Variants in AGBL1 observed in about 807,000 individuals in gnomAD.
AGBL1 encodes cytosolic carboxypeptidase 4.
Under a neutral mutation model 118.9 loss-of-function variants are expected in AGBL1, and 130 were observed. The observed-to-expected ratio is 1.09, with a 90% CI of 0.95 to 1.26. AGBL1 has a LOEUF of 1.26. Among genes scored for constraint, AGBL1 ranks in the 50% most tolerant of loss-of-function variants. The probability of loss-of-function intolerance (pLI) is 0.00; values close to 1 mark genes in which losing one functional copy is unlikely to be tolerated. For synonymous variants in AGBL1, 555 were observed against 478.9 expected (o/e 1.16, Z -2.08); for missense variants, 1,584 against 1,298.1 (o/e 1.22, Z -3.38).
At chr15:86,844,495 C>T (rs928720130) in intron 22 of AGBL1, among the ~76,000 whole-genome samples, 3 of 152,106 alleles carry the variant, frequency 2.0e-5, no homozygotes, top group African/African-American at 4.8e-5. Flanking sequence ...TGCCTGTTAG[C>T]CATTCATGTA....
At chr15:86,400,857 C>A (rs998714776) in intron 18 of AGBL1, among the ~76,000 whole-genome samples, 1 of 151,546 alleles carries the variant, frequency 6.6e-6, no homozygotes, top group African/African-American at 2.4e-5. Flanking sequence ...TTTCTTTATC[C>A]ACTCATAGGT....
chr15:86,832,069 G>T (rs1441965840), intron 22 of AGBL1, among the ~76,000 whole-genome samples: 2 of 152,072 alleles, frequency 1.3e-5, no homozygotes, highest in African/African-American at 4.8e-5. Flanking sequence ...CTCTATGTCG[G>T]CCCCTTTTAA....
chr15:86,091,670 C>G (rs1471707870), intron 1 of AGBL1, among the ~76,000 whole-genome samples: 1 of 152,186 alleles, frequency 6.6e-6, no homozygotes, highest in Non-Finnish European at 1.5e-5. Context: ...CAATAAGCCA[C>G]TTGATCAGGT....
chr15:86,141,349 C>T (rs773731746), intron 1 of AGBL1, among the ~76,000 whole-genome samples: 2 of 152,140 alleles, frequency 1.3e-5, no homozygotes, highest in Non-Finnish European at 2.9e-5. Flanking sequence ...TGTTTCTTGC[C>T]TCTGTGCTGT....
At chr15:86,995,954 G>GA (rs545464653) in intron 24 of AGBL1, among the ~76,000 whole-genome samples, 97 of 152,152 alleles carry the variant, frequency 6.4e-4, no homozygotes, top group African/African-American at 2.2e-3. Flanking sequence ...AACACTAATG[G>GA]AAAAAATCAC....
intron 22 of AGBL1, among the ~76,000 whole-genome samples, chr15:86,880,725 G>A (rs545217274): frequency 6.6e-6 from 1 of 152,108 alleles, no homozygotes; most frequent in African/African-American, 2.4e-5. Context: ...ATGTGTTGCT[G>A]GGTATGGGTG....
intron 23 of AGBL1, among the ~76,000 whole-genome samples, chr15:86,928,456 G>A (rs2080570046): frequency 6.6e-6 from 1 of 152,184 alleles, no homozygotes; most frequent in Admixed American, 6.5e-5. Flanking sequence ...GCTCAGTGAT[G>A]TAAAGCCCCT....
At chr15:86,211,607 G>A (rs2078099772) in intron 5 of AGBL1, among the ~76,000 whole-genome samples, 1 of 152,240 alleles carries the variant, frequency 6.6e-6, no homozygotes, top group African/African-American at 2.4e-5. Context: ...TGCTGTGCTA[G>A]CAGTGAGCAA....
At chr15:86,918,209 C>A (rs952732409), downstream of AGBL1, among the ~76,000 whole-genome samples, 16 of 152,182 alleles carry the variant, frequency 1.1e-4, no homozygotes, top group African/African-American at 3.6e-4. Context: ...TTACTATTCA[C>A]AAAACCCCTT....
intron 22 of AGBL1, among the ~76,000 whole-genome samples, chr15:86,850,963 T>C (rs1161064961): frequency 6.6e-6 from 1 of 152,186 alleles, no homozygotes; most frequent in East Asian, 1.9e-4. Context: ...ATAAAGAAAC[T>C]GGAGTATAGG....
chr15:86,301,736 G>T (rs2079750924), intron 17 of AGBL1, among the ~76,000 whole-genome samples: 1 of 151,004 alleles, frequency 6.6e-6, no homozygotes, highest in East Asian at 2.0e-4. Context: ...TTTAACAGGG[G>T]TGAAACTAAG....
At chr15:86,179,073 G>A (rs1040942134) in intron 5 of AGBL1, among the ~76,000 whole-genome samples, 11 of 152,168 alleles carry the variant, frequency 7.2e-5, no homozygotes, top group African/African-American at 2.7e-4. Flanking sequence ...GCAGCAACAA[G>A]GCTGTAAATC....
At chr15:86,420,100 A>G (rs1415612696) in intron 18 of AGBL1, among the ~76,000 whole-genome samples, 1 of 152,160 alleles carries the variant, frequency 6.6e-6, no homozygotes, top group African/African-American at 2.4e-5. Context: ...CTCCCAATAC[A>G]GCACTAGATT....
At chr15:86,115,631 T>C (rs1897706451) in intron 1 of AGBL1, among the ~76,000 whole-genome samples, 1 of 152,228 alleles carries the variant, frequency 6.6e-6, no homozygotes. Context: ...TGAGGACTAC[T>C]GCTCCTCTTC....
chr15:86,294,045 C>T (rs537034047), intron 16 of AGBL1, among the ~76,000 whole-genome samples: 2 of 152,128 alleles, frequency 1.3e-5, no homozygotes, highest in South Asian at 2.1e-4. Context: ...ATCTCTTAGC[C>T]TCTCTATGAC....
chr15:86,744,262 C>T (rs953856082), intron 22 of AGBL1, among the ~76,000 whole-genome samples: 7 of 152,206 alleles, frequency 4.6e-5, no homozygotes, highest in Admixed American at 2.6e-4. Flanking sequence ...TGCTAGCTGA[C>T]GAGCCCGCTT....
chr15:86,919,967 AGTACCT>A (rs1411855245), downstream of AGBL1, among the ~76,000 whole-genome samples: 1 of 152,192 alleles, frequency 6.6e-6, no homozygotes, highest in Non-Finnish European at 1.5e-5. Flanking sequence ...GAGGGATATC[AGTACCT>A]GTACCTCAGT....
At chr15:86,825,003 G>C (rs1175990207) in intron 22 of AGBL1, among the ~76,000 whole-genome samples, 1 of 152,136 alleles carries the variant, frequency 6.6e-6, no homozygotes. Flanking sequence ...GTTGCAATGA[G>C]CTGAGATTGT....
At chr15:86,114,620 CT>C (rs1197552517) in intron 1 of AGBL1, among the ~76,000 whole-genome samples, 9 of 152,212 alleles carry the variant, frequency 5.9e-5, no homozygotes, top group African/African-American at 2.2e-4. Context: ...CAGGAAGGGT[CT>C]TTTTTTCACC....
Sources: gnomAD v4.1 joint callset for allele counts (sites outside exome capture counted in the v4.1 genomes callset) on GRCh38, gnomAD v4.1.1 for gene constraint, MANE v1.5 for transcripts, NCBI Gene and HGNC (gene_info 2026-07-23, HGNC 2026-07-21) for gene names.